The following COL22A1 variants were observed in gnomAD, a reference collection of about 807,000 sequenced individuals.
COL22A1 encodes collagen alpha-1(XXII) chain.
A neutral mutation model predicts 248.9 loss-of-function variants in COL22A1; 221 were observed. The observed-to-expected ratio is 0.89, with a 90% confidence interval of 0.80 to 0.99. The LOEUF is 0.99. Ranked by LOEUF, COL22A1 falls within the 50% of genes least tolerant of loss-of-function variation. COL22A1 has a pLI of 0.00. For missense variants in COL22A1, 2,240 were observed against 2,179.0 expected (o/e 1.03, Z -0.56); for synonymous variants, 891 against 793.4 (o/e 1.12, Z -2.07).
intron 57 of COL22A1, among the ~76,000 whole-genome samples, chr8:138,607,590 AG>A (rs1322721189): frequency 2.0e-5 from 3 of 148,824 alleles, no homozygotes; most frequent in African/African-American, 7.5e-5. Flanking sequence ...TGAGGTGGTA[AG>A]GGTTGCTCAG....
At chr8:138,656,764 A>C (rs1823306070) in intron 44 of COL22A1, among the ~76,000 whole-genome samples, 2 of 152,226 alleles carry the variant, frequency 1.3e-5, no homozygotes, top group Admixed American at 1.3e-4. Flanking sequence ...GCAAAGAAAA[A>C]GGAATACCAG....
chr8:138,599,156 T>C (rs1348783639), intron 60 of COL22A1, among the ~76,000 whole-genome samples: 2 of 151,874 alleles, frequency 1.3e-5, no homozygotes, highest in Non-Finnish European at 2.9e-5. Flanking sequence ...TCCTGGCTAA[T>C]ACGGTGAAAC....
chr8:138,903,053 G>A (rs554208633), intron 1 of COL22A1, among the ~76,000 whole-genome samples: 1 of 152,076 alleles, frequency 6.6e-6, no homozygotes, highest in Admixed American at 6.6e-5. Flanking sequence ...ATCGCGAATT[G>A]TCTCAAGGTC....
intron 32 of COL22A1, among the ~76,000 whole-genome samples, chr8:138,696,993 A>G (rs1204124673): frequency 6.6e-6 from 1 of 152,208 alleles, no homozygotes; most frequent in Non-Finnish European, 1.5e-5. Flanking sequence ...GGAGACACAC[A>G]GGGAAGACAT....
At chr8:138,764,248 A>C (rs1467678231) in intron 16 of COL22A1, among the ~76,000 whole-genome samples, 2 of 151,748 alleles carry the variant, frequency 1.3e-5, no homozygotes, top group Non-Finnish European at 2.9e-5. Context: ...GGCAGGGGGA[A>C]CCTCCCGTGG....
At chr8:138,662,568 G>T (rs1029570908) in intron 42 of COL22A1, among the ~76,000 whole-genome samples, 2 of 152,268 alleles carry the variant, frequency 1.3e-5, no homozygotes, top group African/African-American at 4.8e-5. Flanking sequence ...ACAACATCAG[G>T]AAACGGCACA....
chr8:138,816,878 A>T (rs977855801), intron 7 of COL22A1, among the ~76,000 whole-genome samples: 4 of 152,212 alleles, frequency 2.6e-5, no homozygotes, highest in African/African-American at 4.8e-5. Flanking sequence ...TAACATAAAA[A>T]TGCAACATGG....
chr8:138,601,900 A>T (rs1487623300), intron 60 of COL22A1, among the ~76,000 whole-genome samples: 1 of 152,232 alleles, frequency 6.6e-6, no homozygotes, highest in Non-Finnish European at 1.5e-5. Context: ...GAAAAACATA[A>T]TAATAACATC....
At position 138,619,377 on chromosome 8, in the gene COL22A1, T is replaced by C. The variant is rs1404839642; in HGVS notation, c.3825+78A>G. 3 of 1,364,848 alleles carry C rather than the reference T, an allele frequency of 2.2e-6. No homozygotes were observed. In the East Asian group the frequency reaches 6.9e-5, roughly 31 times the overall value. 84.5% of individuals were successfully genotyped at this position (1,364,848 alleles called of 1,614,324 possible). On this transcript the variant is annotated intron_variant, in intron 53 of 64. Coordinates refer to ENST00000303045, the MANE Select transcript of COL22A1 (RefSeq NM_152888.3). Reference sequence around the variant, plus strand: ...GACCCCACGGTTGGGCAGTCTGGGCTAGCCCTGCTCACAGTGGTGAGAGCC... The same window carrying C: ...GACCCCACGGTTGGGCAGTCTGGGCCAGCCCTGCTCACAGTGGTGAGAGCC...
At chr8:138,738,105 A>T (rs186013731) in intron 22 of COL22A1, among the ~76,000 whole-genome samples, 2 of 152,202 alleles carry the variant, frequency 1.3e-5, no homozygotes, top group South Asian at 4.2e-4. Flanking sequence ...CCCATATCAC[A>T]TGGAGAGTTG....
intron 22 of COL22A1, among the ~76,000 whole-genome samples, chr8:138,738,467 A>G (rs1024383741): frequency 8.5e-5 from 13 of 152,138 alleles, no homozygotes; most frequent in African/African-American, 3.1e-4. Context: ...TCAAGAATTG[A>G]AAGTAAAATA....
intron 23 of COL22A1, among the ~76,000 whole-genome samples, chr8:138,731,297 G>A (rs1363690782): frequency 3.3e-5 from 5 of 152,062 alleles, no homozygotes; most frequent in Admixed American, 6.5e-5. Context: ...GCAAAACTCC[G>A]TCTCAAAAAA....
At chr8:138,848,540 G>A (rs945516870) in intron 3 of COL22A1, among the ~76,000 whole-genome samples, 14 of 152,146 alleles carry the variant, frequency 9.2e-5, no homozygotes, top group African/African-American at 2.7e-4. Context: ...TGATGTCCTC[G>A]TGCTCTATGT....
intron 3 of COL22A1, among the ~76,000 whole-genome samples, chr8:138,853,633 A>G (rs1265423547): frequency 1.3e-5 from 2 of 152,216 alleles, no homozygotes; most frequent in Non-Finnish European, 2.9e-5. Context: ...CAAGCTCATT[A>G]TTCCAAGGAG....
intron 40 of COL22A1, among the ~76,000 whole-genome samples, chr8:138,676,979 C>T (rs183815869): frequency 6.6e-6 from 1 of 152,368 alleles, no homozygotes; most frequent in Non-Finnish European, 1.5e-5. Context: ...CTCATCCTAA[C>T]TATACCCCAG....
intron 30 of COL22A1, among the ~76,000 whole-genome samples, chr8:138,707,762 C>A (rs948235131): frequency 6.6e-6 from 1 of 152,198 alleles, no homozygotes; most frequent in Non-Finnish European, 1.5e-5. Context: ...TCCTATTCAA[C>A]ATAGTGTTGG....
chr8:138,632,772 A>G (rs758103163), intron 49 of COL22A1, among the ~76,000 whole-genome samples: 1 of 152,220 alleles, frequency 6.6e-6, no homozygotes, highest in African/African-American at 2.4e-5. Context: ...GTAAATGTTC[A>G]TGAAATAAAG....
intron 59 of COL22A1, among the ~76,000 whole-genome samples, chr8:138,603,248 G>GC (rs760619044): frequency 7.9e-5 from 12 of 152,214 alleles, no homozygotes; most frequent in African/African-American, 2.9e-4. Flanking sequence ...TGAGGTGGCG[G>GC]TGGGCATGAG....
intron 52 of COL22A1, chr8:138,620,324 C>G (rs1228387299): frequency 6.6e-6 from 1 of 151,728 alleles, no homozygotes; most frequent in African/African-American, 2.4e-5. Context: ...TTCTGTCCAC[C>G]TCATGTTTAC....
Sources: allele counts gnomAD v4.1 joint callset (sites outside exome capture counted in the v4.1 genomes callset), GRCh38; gene constraint gnomAD v4.1.1; transcripts MANE v1.5; gene names NCBI Gene and HGNC (gene_info 2026-07-23, HGNC 2026-07-21).